Variants in COX10 observed in about 807,000 individuals in gnomAD.
COX10 encodes the protein protoheme IX farnesyltransferase, mitochondrial.
COX10 carries 27 observed loss-of-function variants against 37.3 expected under a neutral mutation model. That is an observed-to-expected ratio of 0.72 (90% CI 0.53 to 1.00). The LOEUF (loss-of-function observed/expected upper bound fraction) is 1.00. COX10 is among the 50% of genes least tolerant of loss of function. The pLI, the probability that COX10 is intolerant of heterozygous loss-of-function variation, is 0.00. For missense variants in COX10, 475 were observed against 563.2 expected, an observed-to-expected ratio of 0.84 and a Z score of 1.59; for synonymous variants, 222 against 229.1, an observed-to-expected ratio of 0.97 and a Z score of 0.28.
At chr17:14,203,134 T>C (rs1241694173) in intron 6 of COX10, among the ~76,000 whole-genome samples, 1 of 152,200 alleles carries the variant, frequency 6.6e-6, no homozygotes, top group Non-Finnish European at 1.5e-5. Flanking sequence ...GAGACACCTG[T>C]CATCTGTTTA....
chr17:14,188,133 C>A (rs1597543264), intron 5 of COX10, among the ~76,000 whole-genome samples: 1 of 138,276 alleles, frequency 7.2e-6, no homozygotes, highest in Non-Finnish European at 1.5e-5. Context: ...ACACAAGGGC[C>A]AATTCAGGAA....
At position 14,207,189 on chromosome 17, in the gene COX10, G is replaced by A. The variant is rs1168755368; in HGVS notation, c.1308G>A (p.Gly436=). Reference sequence around the variant, plus strand: ...CCTGCAAGCGGCCGAGCGGAGGCGGGGACGCAGGGCCCCCTCCCAGCTGAG... The same window carrying A: ...CCTGCAAGCGGCCGAGCGGAGGCGGAGACGCAGGGCCCCCTCCCAGCTGAG... The part of the protein sequence containing the change: ...MLTCKRPSGG[G]DAGPPPS The change falls in exon 7 of 7, where the codon GGG becomes GGA. Residue 436 remains glycine, a synonymous_variant. Transcript: ENST00000261643. 1 of 1,600,686 alleles carries A rather than the reference G, an allele frequency of 6.2e-7. No homozygotes were observed. The highest frequency in any genetic ancestry group is 1.3e-5 in the African/African-American group (1 of 74,976).
rs1260007311 is a variant in COX10, at chr17:14,186,234, G to A, written c.696-5755G>A. On this transcript the variant is annotated intron_variant, in intron 5 of 6. Transcript: ENST00000261643. The stretch of plus-strand genomic sequence containing the variant: ...ATTTTCTTCCACTTTTTAAAATCTG[G>A]AAGACTTCACTGAGTCTGCATTTGC... Among the ~76,000 whole-genome samples the A allele has an allele frequency of 2.6e-5, 4 of 151,960 alleles. No individual in the cohort carries two copies. The East Asian group carries it at 7.7e-4, about 29-fold the overall frequency.
At chr17:14,079,396 G>T (rs990198967) in intron 3 of COX10, among the ~76,000 whole-genome samples, 2 of 152,218 alleles carry the variant, frequency 1.3e-5, no homozygotes, top group African/African-American at 4.8e-5. Flanking sequence ...CTTTGCAAAA[G>T]CAAAGGAGTC....
At chr17:14,160,260 C>T (rs563873207) in intron 5 of COX10, among the ~76,000 whole-genome samples, 37 of 152,038 alleles carry the variant, frequency 2.4e-4, no homozygotes, top group African/African-American at 7.0e-4. Flanking sequence ...ATTGCATTAA[C>T]GCAAATGATC....
intron 3 of COX10, among the ~76,000 whole-genome samples, chr17:14,096,197 A>T (rs535837345): frequency 6.6e-6 from 1 of 151,942 alleles, no homozygotes; most frequent in East Asian, 2.0e-4. Flanking sequence ...TAATCCATTC[A>T]TGAGGGCTGG....
intron 4 of COX10, among the ~76,000 whole-genome samples, chr17:14,116,217 G>C (rs2142209441): frequency 6.6e-6 from 1 of 151,814 alleles, no homozygotes. Flanking sequence ...TATCCTTTCT[G>C]GTGTTTCAGT....
chr17:14,126,350 C>G (rs1017825023), intron 4 of COX10, among the ~76,000 whole-genome samples: 1 of 152,142 alleles, frequency 6.6e-6, no homozygotes, highest in Admixed American at 6.6e-5. Context: ...TGCATTCAAA[C>G]ACACTTTTTA....
intron 3 of COX10, among the ~76,000 whole-genome samples, chr17:14,099,535 C>A (rs1447675057): frequency 6.6e-6 from 1 of 152,046 alleles, no homozygotes; most frequent in Non-Finnish European, 1.5e-5. Context: ...GTGGTGCCTT[C>A]CTGTTCTGCT....
chr17:14,073,057 G>A (rs547291003), intron 1 of COX10, among the ~76,000 whole-genome samples: 22 of 152,318 alleles, frequency 1.4e-4, no homozygotes, highest in African/African-American at 5.3e-4. Context: ...TGAAACGTGT[G>A]GTGTTTTCAG....
At chr17:14,146,261 A>G (rs1904714757) in intron 4 of COX10, among the ~76,000 whole-genome samples, 1 of 152,190 alleles carries the variant, frequency 6.6e-6, no homozygotes, top group African/African-American at 2.4e-5. Context: ...ATAGAGCTAT[A>G]GTAACCAAAA....
chr17:14,183,482 G>T (rs1284383169), intron 5 of COX10, among the ~76,000 whole-genome samples: 3 of 151,954 alleles, frequency 2.0e-5, no homozygotes, highest in African/African-American at 7.3e-5. Flanking sequence ...CACTCACAGA[G>T]ATATTAATTC....
intron 3 of COX10, among the ~76,000 whole-genome samples, chr17:14,094,101 T>C (rs115499931): frequency 7.2e-5 from 11 of 152,172 alleles, no homozygotes; most frequent in African/African-American, 2.2e-4. Context: ...AACCATATGA[T>C]TCTCTTGATT....
At chr17:14,161,913 A>G (rs1304235085) in intron 5 of COX10, among the ~76,000 whole-genome samples, 1 of 152,158 alleles carries the variant, frequency 6.6e-6, no homozygotes, top group South Asian at 2.1e-4. Context: ...ATCCCCTCTC[A>G]TATATCTATA....
intron 3 of COX10, among the ~76,000 whole-genome samples, chr17:14,091,882 C>G (rs1460994386): frequency 1.4e-5 from 2 of 143,254 alleles, no homozygotes; most frequent in Non-Finnish European, 3.1e-5. Context: ...TTTGTGAACA[C>G]TGTCCAACTA....
intron 5 of COX10, among the ~76,000 whole-genome samples, chr17:14,181,109 T>C (rs1905844026): frequency 6.6e-6 from 1 of 152,000 alleles, no homozygotes; most frequent in African/African-American, 2.4e-5. Flanking sequence ...AGAGAGAAAA[T>C]GTCCTTGGAG....
At chr17:14,192,324 T>C in intron 6 of COX10, 103 bp downstream of exon 6, 2 of 1,613,738 alleles carry the variant, frequency 1.2e-6, no homozygotes, top group South Asian at 1.1e-5. Context: ...CATCCCACAT[T>C]AATTCTTTTA....
chr17:14,099,787 C>G (rs1915735272), intron 3 of COX10, among the ~76,000 whole-genome samples: 1 of 152,078 alleles, frequency 6.6e-6, no homozygotes, highest in African/African-American at 2.4e-5. Flanking sequence ...AAGTCTCCCT[C>G]CTGAGCTTTA....
chr17:14,117,825 A>G (rs1257749454), intron 4 of COX10, among the ~76,000 whole-genome samples: 1 of 152,118 alleles, frequency 6.6e-6, no homozygotes, highest in African/African-American at 2.4e-5. Context: ...TCTGTATCCC[A>G]CGTTCTTGCC....
Sources: gnomAD v4.1 joint callset for allele counts (sites outside exome capture counted in the v4.1 genomes callset) on GRCh38, gnomAD v4.1.1 for gene constraint, MANE v1.5 for transcripts, NCBI Gene and HGNC (gene_info 2026-07-23, HGNC 2026-07-21) for gene names.